PRKCQ: variants seen among roughly 807,000 people sequenced by gnomAD.
PRKCQ encodes protein kinase C theta type.
A neutral mutation model predicts 91.2 loss-of-function variants in PRKCQ; 41 were observed. The observed-to-expected ratio is 0.45, with a 90% CI of 0.35 to 0.58. The LOEUF (loss-of-function observed/expected upper bound fraction) is 0.58. Among genes scored for constraint, PRKCQ ranks in the 20% least tolerant of loss-of-function variants. The probability of loss-of-function intolerance (pLI) is 0.00; values close to 1 mark genes in which losing one functional copy is unlikely to be tolerated. For synonymous variants in PRKCQ, 307 were observed against 316.9 expected, an observed-to-expected ratio of 0.97 and a Z score of 0.33; for missense variants, 673 against 896.5, an observed-to-expected ratio of 0.75 and a Z score of 3.18.
chr10:6,465,273 T>C lies in PRKCQ; in HGVS notation c.1354-869A>G, dbSNP rs1835588557. On this transcript the variant is annotated intron_variant, in intron 12 of 17. Transcript: ENST00000263125. The surrounding 1 kb of genome is among the most constrained non-coding windows in gnomAD (Gnocchi z 4.4). ...CAAGTTTAACCTTATTTTTCTCCAG[T>C]CCTGACTTAACTCATGGCAGAGGCA... 6.6e-6 allele frequency among the ~76,000 whole-genome samples: 1 copy of C among 152,160 alleles called. No individual in the cohort carries two copies. The highest frequency in any genetic ancestry group is 1.5e-5 in the Non-Finnish European group (1 of 68,034).
intron 4 of PRKCQ, among the ~76,000 whole-genome samples, chr10:6,504,497 T>C (rs1321655222): frequency 6.6e-6 from 1 of 152,194 alleles, no homozygotes; most frequent in African/African-American, 2.4e-5. Context: ...AGGCCATCCC[T>C]CTTCTTTAGA....
At chr10:6,527,791 G>T (rs1054880191) in intron 1 of PRKCQ, among the ~76,000 whole-genome samples, 5 of 152,036 alleles carry the variant, frequency 3.3e-5, no homozygotes, top group African/African-American at 1.2e-4. Context: ...TTCCTTTCTG[G>T]CCCCTAAATC....
intron 14 of PRKCQ, among the ~76,000 whole-genome samples, chr10:6,460,729 G>T (rs1224116874): frequency 2.0e-5 from 3 of 152,146 alleles, no homozygotes; most frequent in Non-Finnish European, 4.4e-5. Flanking sequence ...AACCCCAGGT[G>T]ATCCATCTGC....
At chr10:6,512,579 A>G (rs1838536272) in intron 2 of PRKCQ, among the ~76,000 whole-genome samples, 1 of 152,232 alleles carries the variant, frequency 6.6e-6, no homozygotes, top group African/African-American at 2.4e-5. Flanking sequence ...GTTTCTTGTG[A>G]CATAAGCACA....
At chr10:6,431,051 A>G in intron 16 of PRKCQ, 113 bp from the exon 17 acceptor site, 1 of 1,338,634 alleles carries the variant, frequency 7.5e-7, no homozygotes, top group East Asian at 2.5e-5. Flanking sequence ...TCATTTTTCT[A>G]CTCACCTTCA....
rs185740514 is a variant in PRKCQ at position 6,443,567 on chromosome 10, T to C, written c.1648-1486A>G. ...AGCAAGCCAGGCACAGAAAAACAAA[T>C]GCTGCAAGATCTCATTTATATGTGA... On this transcript the variant is annotated intron_variant, in intron 15 of 17. Transcript: ENST00000263125. 4.6e-5 allele frequency among the ~76,000 whole-genome samples: 7 copies of C among 152,258 alleles called. No homozygotes were observed. The East Asian group carries it at 1.3e-3, about 29-fold the overall frequency.
intron 1 of PRKCQ, among the ~76,000 whole-genome samples, chr10:6,559,871 A>G (rs1190198822): frequency 2.6e-5 from 4 of 152,058 alleles, no homozygotes; most frequent in Non-Finnish European, 5.9e-5. Flanking sequence ...TTGCATATTT[A>G]TGGGGCACAT....
At chr10:6,566,243 C>T (rs1028506103) in intron 1 of PRKCQ, among the ~76,000 whole-genome samples, 6 of 152,178 alleles carry the variant, frequency 3.9e-5, no homozygotes, top group South Asian at 2.1e-4. Flanking sequence ...GACTGCACTT[C>T]GGTTTATTGG....
chr10:6,432,384 C>T (rs933735905), intron 16 of PRKCQ, among the ~76,000 whole-genome samples: 8 of 152,132 alleles, frequency 5.3e-5, no homozygotes, highest in Non-Finnish European at 1.2e-4. Flanking sequence ...AGTTTTTTCG[C>T]TTTTTTAAAA....
chr10:6,448,284 G>T (rs1021865682), intron 15 of PRKCQ, among the ~76,000 whole-genome samples: 1 of 152,216 alleles, frequency 6.6e-6, no homozygotes, highest in Non-Finnish European at 1.5e-5. Context: ...ACAGGGAAGG[G>T]AACAGCAGGT....
chr10:6,477,540 C>T (rs1836334249), intron 12 of PRKCQ, among the ~76,000 whole-genome samples: 1 of 152,196 alleles, frequency 6.6e-6, no homozygotes, highest in African/African-American at 2.4e-5. Flanking sequence ...AGTTTTCCCT[C>T]ATTCACTCTC....
In PRKCQ at chr10:6,511,332, A is replaced by C. The variant is rs1564364630; in HGVS notation, c.119-138T>G. 2.9e-5 allele frequency: 22 copies of C among 752,546 alleles called. No individual in the cohort carries two copies. The East Asian group carries it at 5.8e-4, about 20-fold the overall frequency. The allele number at this position is 752,546 out of a possible 1,614,324, so 46.6% of individuals were successfully genotyped here. A position where few individuals can be genotyped will look rare whatever the true frequency, so the allele number is the denominator to read the frequency against. On this transcript the variant is annotated intron_variant, in intron 2 of 17. Transcript: ENST00000263125. ...TTGGGAAGACAAAAGTAGCACATAA[A>C]CAATCAGAGACAATATGGGACAGAA...
chr10:6,553,701 G>C (rs921281605), intron 1 of PRKCQ, among the ~76,000 whole-genome samples: 2 of 151,638 alleles, frequency 1.3e-5, no homozygotes, highest in Non-Finnish European at 2.9e-5. Context: ...TGAGAGTTTC[G>C]ATAGAATACA....
chr10:6,577,564 C>T (rs146636359), intron 1 of PRKCQ, among the ~76,000 whole-genome samples: 127 of 152,132 alleles, frequency 8.3e-4, no homozygotes, highest in African/African-American at 3.0e-3. Flanking sequence ...CACACACACA[C>T]GGAATCACGT....
chr10:6,489,990 G>A (rs1387680540), intron 8 of PRKCQ, among the ~76,000 whole-genome samples: 2 of 151,994 alleles, frequency 1.3e-5, no homozygotes, highest in East Asian at 1.9e-4. Context: ...ACCAAGAGGC[G>A]AGAATTTCTC....
At chr10:6,448,025 G>A (rs112879969) in intron 15 of PRKCQ, among the ~76,000 whole-genome samples, 6,247 of 152,294 alleles carry the variant, frequency 0.041, 386 homozygotes, top group African/African-American at 0.13. Context: ...GGCAGCCTCC[G>A]ACCAGGGGTG....
chr10:6,580,278 C>CGGGGCTGGCGGGGCTGGCGGGGCTG (rs1564405575), upstream of PRKCQ: 453 of 22,002 alleles, frequency 0.021, 5 homozygotes, highest in Non-Finnish European at 0.04. Context: ...GCGGGGACTG[C>CGGGGCTGGCGGGGCTGGCGGGGCTG]GCGGGGACTG....
At chr10:6,538,016 G>A (rs1839648414) in intron 1 of PRKCQ, among the ~76,000 whole-genome samples, 1 of 152,260 alleles carries the variant, frequency 6.6e-6, no homozygotes, top group Non-Finnish European at 1.5e-5. Flanking sequence ...GGAAAAGAAG[G>A]AGGGAAGGGA....
intron 16 of PRKCQ, among the ~76,000 whole-genome samples, chr10:6,435,081 A>AT (rs1218346804): frequency 1.3e-5 from 2 of 152,056 alleles, no homozygotes; most frequent in African/African-American, 4.8e-5. Flanking sequence ...CACCTGGCTA[A>AT]TTTTTTGTAC....
Sources: gnomAD v4.1 joint callset for allele counts (sites outside exome capture counted in the v4.1 genomes callset) on GRCh38, gnomAD v4.1.1 for gene constraint, Gnocchi (gnomAD v3.1) non-coding constraint, MANE v1.5 for transcripts, NCBI Gene and HGNC (gene_info 2026-07-23, HGNC 2026-07-21) for gene names.